Variants in LPIN1 observed in about 807,000 individuals in gnomAD.
LPIN1 encodes the protein lipin 1.
In LPIN1, 71 loss-of-function variants were observed where a neutral mutation model predicts 107.5. The observed-to-expected ratio is 0.66, with a 90% CI of 0.55 to 0.80. LPIN1 has a LOEUF of 0.80. Ranked by LOEUF, LPIN1 falls within the 30% of genes least tolerant of loss-of-function variation. The pLI is 0.00. For missense variants in LPIN1, 1,043 were observed against 1,160.6 expected (o/e 0.90, Z 1.47); for synonymous variants, 445 against 452.6 (o/e 0.98, Z 0.21).
chr2:11,771,405 A>C lies in LPIN1; in HGVS notation c.322A>C (p.Ile108Leu), dbSNP rs1314287575. 8 of 1,614,200 alleles carry C rather than the reference A, an allele frequency of 5.0e-6. No homozygotes were observed. Among genetic ancestry groups the C allele is most frequent in the Non-Finnish European group, 6.8e-6 (8 of 1,180,024 alleles). Residue 108 changes from isoleucine to leucine, a missense_variant, in exon 4 of 21, where the codon ATC (isoleucine) becomes CTC (leucine). By Grantham distance (5) the Ile-to-Leu change is conservative. Transcript: ENST00000674199. The surrounding 1 kb of genome is among the most constrained non-coding windows in gnomAD (Gnocchi z 4.8). The stretch of plus-strand genomic sequence containing the variant: ...CCCTATGCACCTGGCCACCTCCCCC[A>C]TCCTGTCAGAAGGAGCTTCGAGAAT... ...VIPMHLATSP[I>L]LSEGASRMEC... is the part of the protein sequence containing the mutation.
intron 17 of LPIN1, among the ~76,000 whole-genome samples, chr2:11,813,838 T>C (rs1275621294): frequency 6.6e-6 from 1 of 151,820 alleles, no homozygotes; most frequent in Admixed American, 6.6e-5. Flanking sequence ...TGCTTGAACC[T>C]GGGAGGCAGA....
intron 3 of LPIN1, among the ~76,000 whole-genome samples, chr2:11,769,943 C>T (rs1188379760): frequency 6.6e-6 from 1 of 152,220 alleles, no homozygotes; most frequent in African/African-American, 2.4e-5. Context: ...CTCCATCCTG[C>T]CCGCCCAGAA....
intron 1 of LPIN1, among the ~76,000 whole-genome samples, chr2:11,713,558 A>T (rs1014400741): frequency 1.3e-5 from 2 of 152,194 alleles, no homozygotes. Context: ...GGCATGAGCC[A>T]CTGTGCCCGG....
chr2:11,779,240 C>A (rs1251629570), intron 6 of LPIN1, among the ~76,000 whole-genome samples: 1 of 152,144 alleles, frequency 6.6e-6, no homozygotes, highest in South Asian at 2.1e-4. Context: ...CTTTCTCTTT[C>A]CATCTCTTTC....
At chr2:11,760,208 G>A (rs1313353614) in intron 1 of LPIN1, among the ~76,000 whole-genome samples, 2 of 151,632 alleles carry the variant, frequency 1.3e-5, no homozygotes, top group South Asian at 2.1e-4. Flanking sequence ...GGGGGCAGCC[G>A]GGCAGAGGGG....
chr2:11,793,004 C>A (rs965693940), intron 13 of LPIN1, among the ~76,000 whole-genome samples: 2 of 152,178 alleles, frequency 1.3e-5, no homozygotes, highest in Non-Finnish European at 2.9e-5. Context: ...TCTGCCCATG[C>A]GATGACTCCA....
In LPIN1 at chr2:11,803,648, A is replaced by T. The variant is rs1278258970; in HGVS notation, c.2013+615A>T. On this transcript the variant is annotated intron_variant, in intron 15 of 20. Transcript: ENST00000674199. The surrounding 1 kb of genome is among the most constrained non-coding windows in gnomAD (Gnocchi z 4.2). The stretch of plus-strand genomic sequence containing the variant: ...GCCTGGCTCAAGTGTGAGGGTGTTT[A>T]CTAGGAAAAGATAAGGAAGAGGCCC... Among the ~76,000 whole-genome samples the T allele has an allele frequency of 6.6e-6, 1 of 152,128 alleles. No homozygotes were observed. Among genetic ancestry groups the T allele is most frequent in the East Asian group, 1.9e-4 (1 of 5,186 alleles).
rs1392274482 is a variant in LPIN1, at chr2:11,707,529, G to T, written c.82-6227G>T. On this transcript the variant is annotated intron_variant, in intron 1 of 21. Transcript: ENST00000449576. This position sits in a 1 kb window ranked among gnomAD's most constrained non-coding sequence, Gnocchi z 4.2. ...GTGGTGTGATCTAACATTCCAGAAG[G>T]TTCCTGTGGCTGCTGTGAGGAGCAG... Among the ~76,000 whole-genome samples the T allele has an allele frequency of 6.6e-6, 1 of 152,222 alleles. No homozygotes were observed. Among genetic ancestry groups the T allele is most frequent in the African/African-American group, 2.4e-5 (1 of 41,452 alleles).
chr2:11,788,289 T>C (rs765053464), intron 11 of LPIN1, 98 bp from the exon 12 acceptor site: 17 of 888,292 alleles, frequency 1.9e-5, no homozygotes, highest in Non-Finnish European at 2.8e-5. Flanking sequence ...AGGGCCTCGC[T>C]GGAGTCCCGA....
At chr2:11,775,230 C>T (rs1672476163) in intron 5 of LPIN1, among the ~76,000 whole-genome samples, 2 of 152,100 alleles carry the variant, frequency 1.3e-5, no homozygotes, top group South Asian at 4.1e-4. Context: ...AGATATAAGA[C>T]CTTTCTAGAT....
At chr2:11,758,211 A>G (rs1668970157) in intron 1 of LPIN1, among the ~76,000 whole-genome samples, 1 of 151,144 alleles carries the variant, frequency 6.6e-6, no homozygotes, top group Admixed American at 6.6e-5. Flanking sequence ...ATTATGAATA[A>G]TGCTGCCACG....
At chr2:11,683,236 G>A (rs909832707) in intron 1 of LPIN1, 1 of 152,230 alleles carries the variant, frequency 6.6e-6, no homozygotes, top group South Asian at 2.1e-4. Context: ...ACCCCTGCAG[G>A]CTCTGTAGGG....
At chr2:11,677,579 G>A (rs74422146), upstream of LPIN1, 87,658 of 1,173,044 alleles carry the variant, frequency 0.075, 3,922 homozygotes, top group Non-Finnish European at 0.09. Flanking sequence ...CTTCTGAGCC[G>A]GTGTTGCCGG....
rs1378322491 is a variant in LPIN1 at position 11,774,391 on chromosome 2, A to G, written c.722+646A>G. Among the ~76,000 whole-genome samples, 4 of 152,158 alleles carry G rather than the reference A, an allele frequency of 2.6e-5. No individual in the cohort carries two copies. The highest frequency in any genetic ancestry group is 1.5e-5 in the Non-Finnish European group (1 of 68,020). On this transcript the variant is annotated intron_variant, in intron 5 of 20. Coordinates refer to ENST00000674199, the MANE Select transcript of LPIN1 (RefSeq NM_001349206.2). This position sits in a 1 kb window ranked among gnomAD's most constrained non-coding sequence, Gnocchi z 4.4. ...CAACACAGGAAATAATATAACCCCC[A>G]TTGGGATGAAAATTCATTCTTGGGT... is the stretch of plus-strand genomic sequence containing the variant.
At chr2:11,713,315 GGC>G (rs1288957871) in intron 1 of LPIN1, among the ~76,000 whole-genome samples, 1 of 152,220 alleles carries the variant, frequency 6.6e-6, no homozygotes, top group African/African-American at 2.4e-5. Flanking sequence ...CTTTTGCTCA[GGC>G]TGGAGTGAAG....
rs1402425300 is a variant in LPIN1 at position 11,778,102 on chromosome 2, A to G, written c.831-1417A>G. On this transcript the variant is annotated intron_variant, in intron 6 of 20. Coordinates refer to ENST00000674199, the MANE Select transcript of LPIN1 (RefSeq NM_001349206.2). The stretch of plus-strand genomic sequence containing the variant: ...CAGTTGTGGAACTGGAAGAGCAAGG[A>G]GGTTGAAAGGCCAGGAGCCTTTCCC... 2.6e-5 allele frequency among the ~76,000 whole-genome samples: 4 copies of G among 151,646 alleles called. No individual in the cohort carries two copies. The East Asian group carries it at 7.7e-4, about 29-fold the overall frequency.
chr2:11,688,643 G>A (rs1662127961), intron 1 of LPIN1, among the ~76,000 whole-genome samples: 1 of 152,248 alleles, frequency 6.6e-6, no homozygotes, highest in Admixed American at 6.5e-5. Flanking sequence ...GCACCGGCGC[G>A]AATCAGGGCC....
rs150089043 is a variant in LPIN1 at position 11,779,567 on chromosome 2, C to T, written c.879C>T (p.Val293=). The stretch of plus-strand genomic sequence containing the variant: ...CACCTAAAAGTGATTCAGAATTGGT[C>T]AGCAAGTCCACGGAAAGGACAGGGC... ...PSTPKSDSEL[V]SKSTERTGQK... The change falls in exon 7 of 21, where the codon GTC becomes GTT. Residue 293 remains valine (V), a synonymous_variant. Transcript: ENST00000674199. 3 of 1,614,042 alleles carry T rather than the reference C, an allele frequency of 1.9e-6. No homozygotes were observed. In the African/African-American group the frequency reaches 4.0e-5, roughly 22 times the overall value.
At chr2:11,686,639 G>A (rs373540766) in intron 1 of LPIN1, among the ~76,000 whole-genome samples, 7 of 152,112 alleles carry the variant, frequency 4.6e-5, no homozygotes, top group African/African-American at 1.2e-4. Context: ...GCACACACCC[G>A]CGGGAAAGAG....
Sources: allele counts gnomAD v4.1 joint callset (sites outside exome capture counted in the v4.1 genomes callset), GRCh38; gene constraint gnomAD v4.1.1; non-coding constraint Gnocchi (gnomAD v3.1); transcripts MANE v1.5; gene names NCBI Gene and HGNC (gene_info 2026-07-23, HGNC 2026-07-21).